The following PARD3B variants were observed in gnomAD, a reference collection of about 807,000 sequenced individuals.
PARD3B encodes the protein par-3 family cell polarity regulator beta.
Under a neutral mutation model 130.2 loss-of-function variants are expected in PARD3B, and 103 were observed. The ratio of observed to expected loss-of-function variants is 0.79; its 90% confidence interval spans 0.67 to 0.93. PARD3B has a LOEUF of 0.93. Among genes scored for constraint, PARD3B ranks in the 40% least tolerant of loss-of-function variants. The probability of loss-of-function intolerance (pLI) is 0.00; values close to 1 mark genes in which losing one functional copy is unlikely to be tolerated. For missense variants in PARD3B, 1,609 were observed against 1,499.2 expected (o/e 1.07, Z -1.21); for synonymous variants, 583 against 553.2 (o/e 1.05, Z -0.76).
chr2:205,302,065 C>CTTTTTT lies in PARD3B; in HGVS notation c.2630+382_2630+387dup, dbSNP rs3048088. Among the ~76,000 whole-genome samples, 140 of 77,778 alleles carry CTTTTTT rather than the reference C, an allele frequency of 1.8e-3. 8 individuals are homozygous for CTTTTTT. The highest frequency in any genetic ancestry group is 2.1e-3 in the African/African-American group (40 of 18,902). 51.0% of individuals were successfully genotyped at this position (77,778 alleles called of 152,430 possible). A position where few individuals can be genotyped will look rare whatever the true frequency, so the allele number is the denominator to read the frequency against. The stretch of plus-strand genomic sequence containing the variant: ...CTATTCTTTTTTTCTTTTTTCTTTT[C>CTTTTTT]TTTTTTTTTTTTTTTTTTTTTTTGA... On this transcript the variant is annotated intron_variant, in intron 18 of 22. Coordinates refer to ENST00000406610, the MANE Select transcript of PARD3B (RefSeq NM_001302769.2).
At chr2:205,444,696 G>C (rs2047844314) in intron 20 of PARD3B, among the ~76,000 whole-genome samples, 1 of 152,214 alleles carries the variant, frequency 6.6e-6, no homozygotes, top group Non-Finnish European at 1.5e-5. Context: ...GACAGAGTAA[G>C]AGATGATTAC....
rs746258783 is a variant in PARD3B, at chr2:205,183,509, G to A, written c.1925-2255G>A. Among the ~76,000 whole-genome samples, 1 of 152,096 alleles carries A rather than the reference G, an allele frequency of 6.6e-6. No homozygotes were observed. The highest frequency in any genetic ancestry group is 1.5e-5 in the Non-Finnish European group (1 of 68,022). On this transcript the variant is annotated intron_variant, in intron 13 of 22. Coordinates refer to ENST00000406610, the MANE Select transcript of PARD3B (RefSeq NM_001302769.2). The surrounding 1 kb of genome is among the most constrained non-coding windows in gnomAD (Gnocchi z 5.2). Reference sequence around the variant, plus strand: ...GCTGCCACCACTAACAAATCAATGGGCCCCTAGGGTTGGAGGTGGTGCAGG... The same window carrying A: ...GCTGCCACCACTAACAAATCAATGGACCCCTAGGGTTGGAGGTGGTGCAGG...
In PARD3B at chr2:205,243,547, G is replaced by C. The variant is rs375577525; in HGVS notation, c.2141-2231G>C. ...ATCAGAATCATCAATTTCAAAACAT[G>C]TTAAACAAAATTATAGCTAACATTT... On this transcript the variant is annotated intron_variant, in intron 15 of 22. Transcript: ENST00000406610. 4.6e-5 allele frequency among the ~76,000 whole-genome samples: 7 copies of C among 152,264 alleles called. No homozygotes were observed. The South Asian group carries it at 1.2e-3, about 27-fold the overall frequency.
At chr2:205,008,290 CTTT>C (rs34132187) in intron 3 of PARD3B, among the ~76,000 whole-genome samples, 15 of 147,084 alleles carry the variant, frequency 1.0e-4, no homozygotes, top group Admixed American at 1.4e-4. Context: ...CACAAATAAT[CTTT>C]TTTTTTTTTT....
intron 3 of PARD3B, among the ~76,000 whole-genome samples, chr2:205,017,407 C>G (rs565219950): frequency 6.6e-6 from 1 of 152,262 alleles, no homozygotes; most frequent in African/African-American, 2.4e-5. Context: ...CAGTTGCCCC[C>G]CCATTCCTTT....
intron 16 of PARD3B, among the ~76,000 whole-genome samples, chr2:205,272,454 C>G (rs1456525615): frequency 6.6e-6 from 1 of 152,010 alleles, no homozygotes; most frequent in East Asian, 1.9e-4. Context: ...ATATAAGGAC[C>G]ATTGAATACT....
intron 2 of PARD3B, among the ~76,000 whole-genome samples, chr2:204,867,932 A>T (rs1457208130): frequency 6.6e-6 from 1 of 152,218 alleles, no homozygotes; most frequent in Non-Finnish European, 1.5e-5. Flanking sequence ...TGTAAAAAGT[A>T]TGGGAGAGGA....
chr2:204,931,999 A>G (rs1299672160), intron 2 of PARD3B, among the ~76,000 whole-genome samples: 1 of 152,102 alleles, frequency 6.6e-6, no homozygotes, highest in Non-Finnish European at 1.5e-5. Flanking sequence ...GAAAGAGACA[A>G]TCTAATAGAC....
chr2:205,146,424 C>T lies in PARD3B; in HGVS notation c.1435-12298C>T, dbSNP rs1384255517. Among the ~76,000 whole-genome samples the T allele has an allele frequency of 1.3e-5, 2 of 151,912 alleles. No individual in the cohort carries two copies. The highest frequency in any genetic ancestry group is 6.6e-5 in the Admixed American group (1 of 15,252). On this transcript the variant is annotated intron_variant, in intron 10 of 22. Transcript: ENST00000406610. This position sits in a 1 kb window ranked among gnomAD's most constrained non-coding sequence, Gnocchi z 4.3. ...CAGCATTTTGGGAGGCCGAGGTGGG[C>T]GGATCATGAGGTCAGGAGATCGAGA...
intron 19 of PARD3B, among the ~76,000 whole-genome samples, chr2:205,411,702 A>G (rs913104173): frequency 2.0e-5 from 3 of 152,132 alleles, no homozygotes; most frequent in African/African-American, 4.8e-5. Flanking sequence ...GGCCAAGTTG[A>G]GCGGAGACTT....
chr2:205,482,188 G>A (rs1323135375), intron 20 of PARD3B, among the ~76,000 whole-genome samples: 2 of 152,182 alleles, frequency 1.3e-5, no homozygotes, highest in African/African-American at 2.4e-5. Flanking sequence ...TAGACAAGGA[G>A]CCTTTAGACT....
intron 1 of PARD3B, among the ~76,000 whole-genome samples, chr2:204,554,053 T>A (rs959873858): frequency 2.0e-5 from 3 of 152,072 alleles, no homozygotes; most frequent in Admixed American, 6.5e-5. Context: ...AAAAAAATTT[T>A]AAAAATACTA....
chr2:205,153,953 A>T (rs544649775), intron 10 of PARD3B, among the ~76,000 whole-genome samples: 45 of 152,324 alleles, frequency 3.0e-4, no homozygotes, highest in African/African-American at 9.1e-4. Flanking sequence ...CTAGAAGAAA[A>T]CCTACGCAAT....
intron 18 of PARD3B, among the ~76,000 whole-genome samples, chr2:205,333,708 G>A (rs2043214104): frequency 6.6e-6 from 1 of 152,084 alleles, no homozygotes; most frequent in Admixed American, 6.6e-5. Flanking sequence ...CTGAAGACGT[G>A]GAATGAGAAG....
rs1441761983 is a variant in PARD3B at position 205,288,349 on chromosome 2, T to G, written c.2186-12181T>G. ...CAGATGACTAACCATGCTAAAAATG[T>G]ATATGAAGAAATTAGAAGAAATTTG... On this transcript the variant is annotated intron_variant, in intron 16 of 22. Transcript: ENST00000406610. This position sits in a 1 kb window ranked among gnomAD's most constrained non-coding sequence, Gnocchi z 4.0. Among the ~76,000 whole-genome samples the G allele has an allele frequency of 6.6e-6, 1 of 152,152 alleles. No individual in the cohort carries two copies. Among genetic ancestry groups the G allele is most frequent in the Non-Finnish European group, 1.5e-5 (1 of 68,028 alleles).
intron 16 of PARD3B, among the ~76,000 whole-genome samples, chr2:205,286,720 G>A (rs2041410233): frequency 6.6e-6 from 1 of 152,212 alleles, no homozygotes; most frequent in African/African-American, 2.4e-5. Flanking sequence ...CTGTTGAGTA[G>A]TCATGAGAAT....
rs2053226891 is a variant in PARD3B, at chr2:205,563,859, A to G, written c.3260+10456A>G. ...AGTGGCGCCCCCTAGGGCTGCACAG[A>G]CCATGTGCATGGACCAGGTCCCCAG... On this transcript the variant is annotated intron_variant, in intron 22 of 22. Coordinates refer to ENST00000406610, the MANE Select transcript of PARD3B (RefSeq NM_001302769.2). This position sits in a 1 kb window ranked among gnomAD's most constrained non-coding sequence, Gnocchi z 4.2. Among the ~76,000 whole-genome samples, 1 of 152,138 alleles carries G rather than the reference A, an allele frequency of 6.6e-6. No individual in the cohort carries two copies. The highest frequency in any genetic ancestry group is 6.5e-5 in the Admixed American group (1 of 15,274).
At chr2:205,130,682 G>T (rs16837000) in intron 10 of PARD3B, among the ~76,000 whole-genome samples, 33,635 of 151,968 alleles carry the variant, frequency 0.22, 4,054 homozygotes, top group East Asian at 0.39. Context: ...TGGGTAAAAT[G>T]AGCTTAAAAA....
At chr2:204,954,391 T>C (rs1171537268) in intron 2 of PARD3B, among the ~76,000 whole-genome samples, 4 of 152,164 alleles carry the variant, frequency 2.6e-5, no homozygotes, top group Non-Finnish European at 5.9e-5. Context: ...CACCAGTTGC[T>C]CAGCTGTCAT....
Sources: gnomAD v4.1 joint callset for allele counts (sites outside exome capture counted in the v4.1 genomes callset) on GRCh38, gnomAD v4.1.1 for gene constraint, Gnocchi (gnomAD v3.1) non-coding constraint, MANE v1.5 for transcripts, NCBI Gene and HGNC (gene_info 2026-07-23, HGNC 2026-07-21) for gene names.